The following KIAA2012 variants were observed in gnomAD, a reference collection of about 807,000 sequenced individuals.
KIAA2012 encodes the protein KIAA2012, also known as uncharacterized protein KIAA2012.
Under a neutral mutation model 150.6 loss-of-function variants are expected in KIAA2012, and 125 were observed. The ratio of observed to expected loss-of-function variants is 0.83; its 90% CI spans 0.72 to 0.96. The LOEUF is 0.96. KIAA2012 is among the 40% of genes least tolerant of loss of function. KIAA2012 has a pLI of 0.00. For missense variants in KIAA2012, 1,219 were observed against 1,354.9 expected (o/e 0.90, Z 1.57); for synonymous variants, 462 against 504.7 (o/e 0.92, Z 1.13).
intron 15 of KIAA2012, among the ~76,000 whole-genome samples, chr2:202,183,415 G>A (rs1052782316): frequency 8.0e-6 from 1 of 124,410 alleles, no homozygotes; most frequent in Non-Finnish European, 1.6e-5. Flanking sequence ...GCAAGGCTCT[G>A]TCTCAAAAAA....
intron 4 of KIAA2012, among the ~76,000 whole-genome samples, chr2:202,093,513 C>A (rs1459178472): frequency 6.6e-6 from 1 of 152,162 alleles, no homozygotes; most frequent in East Asian, 1.9e-4. Flanking sequence ...CTGGTGGCTA[C>A]TGTGTTTGGC....
chr2:202,162,331 G>A (rs557320156), intron 14 of KIAA2012, among the ~76,000 whole-genome samples: 372 of 152,158 alleles, frequency 2.4e-3, no homozygotes, highest in African/African-American at 8.4e-3. Context: ...CTGGAGTGCA[G>A]TGTTGCGATC....
At chr2:202,204,034 G>T (rs1309557449) in intron 23 of KIAA2012, among the ~76,000 whole-genome samples, 2 of 151,436 alleles carry the variant, frequency 1.3e-5, no homozygotes, top group African/African-American at 4.9e-5. Flanking sequence ...CTCCCAGAGT[G>T]CTGGGATTAC....
At chr2:202,163,091 T>TG (rs1691690821) in intron 14 of KIAA2012, among the ~76,000 whole-genome samples, 2 of 146,864 alleles carry the variant, frequency 1.4e-5, no homozygotes, top group African/African-American at 5.0e-5. Context: ...AGAAGTTATT[T>TG]CACATGTATA....
At chr2:202,127,406 G>A (rs544869311) in intron 12 of KIAA2012, among the ~76,000 whole-genome samples, 2 of 152,320 alleles carry the variant, frequency 1.3e-5, no homozygotes, top group East Asian at 3.9e-4. Context: ...AGAAACAGCT[G>A]CTCTGAGGGA....
chr2:202,196,186 C>CTTTTTTTTTTTTTTTTTTTTTT, intron 21 of KIAA2012, among the ~76,000 whole-genome samples: 1 of 79,676 alleles, frequency 1.3e-5, no homozygotes, highest in Non-Finnish European at 2.3e-5. Flanking sequence ...CTTTTCTTTT[C>CTTTTTTTTTTTTTTTTTTTTTT]TTTTTTTTTT....
intron 15 of KIAA2012, among the ~76,000 whole-genome samples, chr2:202,167,438 C>G (rs1277545544): frequency 6.6e-6 from 1 of 152,196 alleles, no homozygotes; most frequent in East Asian, 1.9e-4. Context: ...GGTGGACCAG[C>G]AACCACAGTT....
intron 4 of KIAA2012, among the ~76,000 whole-genome samples, chr2:202,094,367 A>G (rs1689807969): frequency 6.6e-6 from 1 of 152,230 alleles, no homozygotes. Context: ...GGTCAGGATA[A>G]GTAGAGAATC....
At chr2:202,188,966 C>A (rs1238899545) in intron 18 of KIAA2012, among the ~76,000 whole-genome samples, 3 of 152,200 alleles carry the variant, frequency 2.0e-5, no homozygotes, top group Non-Finnish European at 1.5e-5. Flanking sequence ...ACCCTCCAAA[C>A]AAATCCAGTG....
Position 202,073,322 on chromosome 2 carries a change from C to T in KIAA2012, c.-306C>T, listed in dbSNP as rs1282629907. 6.8e-6 allele frequency: 2 copies of T among 295,792 alleles called. No homozygotes were observed. The highest frequency in any genetic ancestry group is 1.2e-4 in the East Asian group (2 of 16,142). The allele number at this position is 295,792 out of a possible 1,614,324, so 18.3% of individuals were successfully genotyped here. A position where few individuals can be genotyped will look rare whatever the true frequency, so the allele number is the denominator to read the frequency against. On this transcript the variant is annotated 5_prime_UTR_variant, in exon 1 of 24. Transcript: ENST00000498697. ...ACGGCTGGTAACAGAGCAACCGGGACCAAGGGACAACAAGAGCTCAGGAGA... is the reference window on the plus strand; with the variant it reads ...ACGGCTGGTAACAGAGCAACCGGGATCAAGGGACAACAAGAGCTCAGGAGA...
At position 202,138,936 on chromosome 2, in the gene KIAA2012, T is replaced by A. The variant is rs74565191; in HGVS notation, c.1908+428T>A. 5.8e-4 allele frequency among the ~76,000 whole-genome samples: 89 copies of A among 152,276 alleles called. 2 individuals are homozygous for A. The East Asian group carries it at 0.015, about 26-fold the overall frequency. On this transcript the variant is annotated intron_variant, in intron 13 of 23. Transcript: ENST00000498697. The stretch of plus-strand genomic sequence containing the variant: ...GAGGATGGTGCTTCATCTAGATACA[T>A]TAAGAATTTCTATTAGCGGGCCAGT...
chr2:202,184,771 T>C lies in KIAA2012; in HGVS notation c.2138T>C (p.Met713Thr). Residue 713 changes from methionine (M) to threonine (T), a missense_variant, in exon 16 of 24, where the codon ATG becomes ACG. Transcript: ENST00000498697. Reference sequence around the variant, plus strand: ...TTCACAGACCCAGAGCCAAGGAGTATGACCCTTGACTCTCCCAGGGCTTCC... The same window carrying C: ...TTCACAGACCCAGAGCCAAGGAGTACGACCCTTGACTCTCCCAGGGCTTCC... ...HNDQDPEPRS[M>T]TLDSPRASRT... is the part of the protein sequence containing the mutation. 3.2e-6 allele frequency: 5 copies of C among 1,546,606 alleles called. No homozygotes were observed. Among genetic ancestry groups the C allele is most frequent in the Non-Finnish European group, 4.4e-6 (5 of 1,145,798 alleles).
intron 10 of KIAA2012, among the ~76,000 whole-genome samples, chr2:202,111,508 TCA>T (rs200568680): frequency 2.9e-4 from 10 of 34,080 alleles, no homozygotes; most frequent in African/African-American, 9.1e-4. Flanking sequence ...AGACTCTGTC[TCA>T]AAAAAAAAAA....
chr2:202,204,655 C>A (rs1433180122), intron 23 of KIAA2012, among the ~76,000 whole-genome samples: 1 of 152,154 alleles, frequency 6.6e-6, no homozygotes, highest in Non-Finnish European at 1.5e-5. Context: ...ACCTTTACAA[C>A]CCAGAAATCC....
At position 202,099,893 on chromosome 2, in the gene KIAA2012, G is replaced by A. The variant is rs369092557; in HGVS notation, c.1012+97G>A. 6.6e-4 allele frequency: 703 copies of A among 1,061,816 alleles called. 3 individuals carry two copies. The highest frequency in any genetic ancestry group is 4.4e-3 in the South Asian group (250 of 56,744). The allele number at this position is 1,061,816 out of a possible 1,614,324, so 65.8% of individuals were successfully genotyped here. A position where few individuals can be genotyped will look rare whatever the true frequency, so the allele number is the denominator to read the frequency against. On this transcript the variant is annotated intron_variant, in intron 6 of 23. Coordinates refer to ENST00000498697, the MANE Select transcript of KIAA2012 (RefSeq NM_001277372.4). ...GGCATGCCAAACATCACTTCCTTGC[G>A]CCACTCACCTTACAAAATAAAAGCC...
At chr2:202,135,124 C>CTGTG (rs1324498666) in intron 12 of KIAA2012, among the ~76,000 whole-genome samples, 1 of 152,154 alleles carries the variant, frequency 6.6e-6, no homozygotes, top group African/African-American at 2.4e-5. Flanking sequence ...CACTAAAAGC[C>CTGTG]TGTGGTTAGA....
intron 15 of KIAA2012, among the ~76,000 whole-genome samples, chr2:202,167,673 G>C (rs1488685625): frequency 6.6e-6 from 1 of 151,842 alleles, no homozygotes; most frequent in Non-Finnish European, 1.5e-5. Context: ...CTGCATCTCG[G>C]CCTCTAAAAA....
chr2:202,181,827 G>A (rs1692126312), intron 15 of KIAA2012, among the ~76,000 whole-genome samples: 1 of 152,024 alleles, frequency 6.6e-6, no homozygotes, highest in Non-Finnish European at 1.5e-5. Flanking sequence ...CACTTTCCTT[G>A]TATTAACATA....
chr2:202,141,990 T>C (rs1043997479), intron 13 of KIAA2012, among the ~76,000 whole-genome samples: 7 of 152,162 alleles, frequency 4.6e-5, no homozygotes, highest in African/African-American at 1.7e-4. Context: ...CTATACTCAG[T>C]AAAGATTACC....
Sources: gnomAD v4.1 joint callset for allele counts (sites outside exome capture counted in the v4.1 genomes callset) on GRCh38, gnomAD v4.1.1 for gene constraint, MANE v1.5 for transcripts, NCBI Gene and HGNC (gene_info 2026-07-23, HGNC 2026-07-21) for gene names.